Variants in MBOAT1 observed in about 807,000 individuals in gnomAD.
The protein encoded by MBOAT1 is membrane-bound glycerophospholipid O-acyltransferase 1.
A neutral mutation model predicts 64.4 loss-of-function variants in MBOAT1; 67 were observed. The observed-to-expected ratio is 1.04, with a 90% CI of 0.85 to 1.27. The LOEUF is 1.27. Ranked by LOEUF, MBOAT1 falls within the 50% of genes most tolerant of loss-of-function variation. The pLI is 0.00. For missense variants in MBOAT1, 563 were observed against 604.6 expected, an observed-to-expected ratio of 0.93 and a Z score of 0.72; for synonymous variants, 229 against 218.9, an observed-to-expected ratio of 1.05 and a Z score of -0.41.
chr6:20,190,507 G>A (rs901157137), intron 1 of MBOAT1, among the ~76,000 whole-genome samples: 3 of 152,114 alleles, frequency 2.0e-5, no homozygotes, highest in Non-Finnish European at 2.9e-5. Flanking sequence ...AATGGGACAT[G>A]AGGTCATAAT....
At chr6:20,140,205 C>T (rs1581417309) in intron 4 of MBOAT1, among the ~76,000 whole-genome samples, 1 of 152,214 alleles carries the variant, frequency 6.6e-6, no homozygotes, top group East Asian at 1.9e-4. Context: ...TCAGCATTCT[C>T]ACTCACATTT....
chr6:20,149,033 G>A (rs1483052341), intron 3 of MBOAT1, among the ~76,000 whole-genome samples: 2 of 151,318 alleles, frequency 1.3e-5, no homozygotes, highest in African/African-American at 2.4e-5. Flanking sequence ...CCCGGGAGGT[G>A]GAGGTTGCAG....
intron 1 of MBOAT1, among the ~76,000 whole-genome samples, chr6:20,192,108 T>C (rs1536579): frequency 0.61 from 91,918 of 151,926 alleles, 28,787 homozygotes; most frequent in Non-Finnish European, 0.69. Flanking sequence ...CTAACAACCT[T>C]CCATTCCACT....
In MBOAT1 at chr6:20,197,504, C is replaced by G. The variant is rs1241409092; in HGVS notation, c.99+14632G>C. 4.6e-5 allele frequency among the ~76,000 whole-genome samples: 7 copies of G among 152,124 alleles called. No homozygotes were observed. The East Asian group carries it at 1.3e-3, about 29-fold the overall frequency. ...TCCTCTGCCCTATGGTTTCACTAAG[C>G]CAGACTAAGCAAAAGTGACTGTTCC... On this transcript the variant is annotated intron_variant, in intron 1 of 12. Transcript: ENST00000324607.
intron 1 of MBOAT1, among the ~76,000 whole-genome samples, chr6:20,161,170 G>C (rs985585592): frequency 6.6e-6 from 1 of 152,014 alleles, no homozygotes; most frequent in African/African-American, 2.4e-5. Context: ...TCTCATAGGA[G>C]TGCAAACCCT....
intron 4 of MBOAT1, among the ~76,000 whole-genome samples, chr6:20,133,399 C>T (rs1388418509): frequency 6.6e-6 from 1 of 152,188 alleles, no homozygotes; most frequent in Non-Finnish European, 1.5e-5. Flanking sequence ...GACTGTAGCT[C>T]ACCCTCCTGA....
chr6:20,134,087 C>G (rs568760649), intron 4 of MBOAT1, among the ~76,000 whole-genome samples: 8 of 152,098 alleles, frequency 5.3e-5, no homozygotes, highest in African/African-American at 1.9e-4. Context: ...CTTTTTTCTT[C>G]TCTTCCTTCC....
chr6:20,192,625 T>C (rs1477160917), intron 1 of MBOAT1, among the ~76,000 whole-genome samples: 5 of 152,214 alleles, frequency 3.3e-5, no homozygotes, highest in Non-Finnish European at 7.3e-5. Flanking sequence ...AAAAATGTGA[T>C]GGGGCTGGCA....
At chr6:20,177,786 AAAAAAC>A (rs529448809) in intron 1 of MBOAT1, among the ~76,000 whole-genome samples, 46,680 of 139,028 alleles carry the variant, frequency 0.34, 7,807 homozygotes, top group East Asian at 0.48. Flanking sequence ...AAAAAAAAAA[AAAAAAC>A]AAAAAACTTG....
chr6:20,179,249 T>G (rs1762440029), intron 1 of MBOAT1, among the ~76,000 whole-genome samples: 1 of 152,172 alleles, frequency 6.6e-6, no homozygotes, highest in Non-Finnish European at 1.5e-5. Flanking sequence ...GCTCCATTAG[T>G]CAAACTGAGG....
At chr6:20,128,845 G>T in intron 5 of MBOAT1, 92 bp from the exon 6 acceptor site, 1 of 875,550 alleles carries the variant, frequency 1.1e-6, no homozygotes. Flanking sequence ...TTTGAACCAG[G>T]TAATCTTTGT....
chr6:20,102,195 G>C lies in MBOAT1; in HGVS notation c.*91C>G, dbSNP rs1456200514. ...CAAAATAAAGATGCATGTAAACATC[G>C]CCTCTAAGCCACCGGAGGAGCCCTT... is the stretch of plus-strand genomic sequence containing the variant. On this transcript the variant is annotated 3_prime_UTR_variant, in exon 13 of 13. Transcript: ENST00000324607. 25 of 1,182,598 alleles carry C rather than the reference G, an allele frequency of 2.1e-5. No homozygotes were observed. The highest frequency in any genetic ancestry group is 2.5e-5 in the Non-Finnish European group (22 of 874,240). The allele number at this position is 1,182,598 out of a possible 1,614,324, so 73.3% of individuals were successfully genotyped here. A position where few individuals can be genotyped will look rare whatever the true frequency, so the allele number is the denominator to read the frequency against.
intron 1 of MBOAT1, among the ~76,000 whole-genome samples, chr6:20,155,787 TA>T (rs1442677875): frequency 1.3e-5 from 2 of 152,220 alleles, no homozygotes; most frequent in African/African-American, 4.8e-5. Context: ...CTAGAGACTT[TA>T]CCAATCAGGA....
At chr6:20,106,659 T>C (rs1387967343) in intron 12 of MBOAT1, among the ~76,000 whole-genome samples, 8 of 152,168 alleles carry the variant, frequency 5.3e-5, no homozygotes, top group Non-Finnish European at 8.8e-5. Context: ...CCTGACCTCA[T>C]AATCCACTTG....
rs1402881107 is a variant in MBOAT1, at chr6:20,109,640, G to A, written c.1319C>T (p.Pro440Leu). The A allele has an allele frequency of 1.2e-6, 2 of 1,614,062 alleles. No individual in the cohort carries two copies. The highest frequency in any genetic ancestry group is 1.7e-6 in the Non-Finnish European group (2 of 1,179,962). ...CGGTTCAACTGCCAACATCACAAAG[G>A]GTGCTACCGTGTAAGAGACAGCCAG... ...TQLAVSYTVAPFVMLAVEPTI... is the reference protein window; with the variant it reads ...TQLAVSYTVALFVMLAVEPTI... The change falls in exon 12 of 13, where the codon CCC becomes CTC. Residue 440 changes from proline (P) to leucine (L), a missense_variant. Pro to Leu is a moderately conservative substitution (Grantham distance 98, BLOSUM62 -3). Coordinates refer to ENST00000324607, the MANE Select transcript of MBOAT1 (RefSeq NM_001080480.3).
intron 2 of MBOAT1, among the ~76,000 whole-genome samples, chr6:20,151,707 A>T (rs1761498002): frequency 6.6e-6 from 1 of 152,170 alleles, no homozygotes; most frequent in Non-Finnish European, 1.5e-5. Flanking sequence ...AATTCACAAA[A>T]TTCCTGAAGG....
At chr6:20,208,423 G>T (rs1258802722) in intron 1 of MBOAT1, among the ~76,000 whole-genome samples, 1 of 99,984 alleles carries the variant, frequency 1.0e-5, no homozygotes, top group Non-Finnish European at 2.1e-5. Context: ...TCCAGCCTGG[G>T]TGACAGAGCT....
rs1472776115 is a variant in MBOAT1 at position 20,126,516 on chromosome 6, CT to C, written c.714del (p.Gly239GlufsTer3). 1 of 1,604,880 alleles carries C rather than the reference CT, an allele frequency of 6.2e-7. No homozygotes were observed. Among genetic ancestry groups the C allele is most frequent in the East Asian group, 2.2e-5 (1 of 44,786 alleles). On this transcript the variant is annotated frameshift_variant and splice_region_variant, in exon 7 of 13. Transcript: ENST00000324607. LOFTEE classifies it high-confidence loss of function. ...GFHSLPEPSP[T>X]GAVIHKLGIT... ...CTATTCTCTAGACACTAAAAACTTA[CT>C]GTGGGAGAAGGTTCTGGCAAGCTGT... is the stretch of plus-strand genomic sequence containing the variant.
At position 20,207,826 on chromosome 6, in the gene MBOAT1, G is replaced by A. The variant is rs1449129437; in HGVS notation, c.99+4310C>T. ...GGGCATCCCTTCTCTGTTCCACGACGGCACCATCTACAAACCTGTGCAGTG... is the reference window on the plus strand; with the variant it reads ...GGGCATCCCTTCTCTGTTCCACGACAGCACCATCTACAAACCTGTGCAGTG... On this transcript the variant is annotated intron_variant, in intron 1 of 12. Coordinates refer to ENST00000324607, the MANE Select transcript of MBOAT1 (RefSeq NM_001080480.3). Among the ~76,000 whole-genome samples, 3 of 152,152 alleles carry A rather than the reference G, an allele frequency of 2.0e-5. 1 individual carries two copies. Among genetic ancestry groups the A allele is most frequent in the African/African-American group, 2.4e-5 (1 of 41,438 alleles).
Sources: gnomAD v4.1 joint callset for allele counts (sites outside exome capture counted in the v4.1 genomes callset) on GRCh38, gnomAD v4.1.1 for gene constraint, MANE v1.5 for transcripts, NCBI Gene and HGNC (gene_info 2026-07-23, HGNC 2026-07-21) for gene names.